The following GPR137B variants were observed in gnomAD, a reference collection of about 807,000 sequenced individuals.
The protein encoded by GPR137B is integral membrane protein GPR137B.
Under a neutral mutation model 42.5 loss-of-function variants are expected in GPR137B, and 42 were observed. The observed-to-expected ratio is 0.99, with a 90% CI of 0.77 to 1.28. The LOEUF (loss-of-function observed/expected upper bound fraction) is 1.28, where lower values mean the gene tolerates loss of function less well. Among genes scored for constraint, GPR137B ranks in the 50% most tolerant of loss-of-function variants. The pLI is 0.00. For synonymous variants in GPR137B, 218 were observed against 209.7 expected (o/e 1.04, Z -0.34); for missense variants, 487 against 493.9 (o/e 0.99, Z 0.13).
chr1:236,142,828 G>T lies in GPR137B; in HGVS notation c.206G>T (p.Arg69Leu), dbSNP rs759008318. The T allele has an allele frequency of 1.2e-6, 2 of 1,614,086 alleles. No individual in the cohort carries two copies. Among genetic ancestry groups the T allele is most frequent in the Non-Finnish European group, 8.5e-7 (1 of 1,179,966 alleles). Residue 69 changes from arginine to leucine, a missense_variant, in exon 1 of 7, where the codon CGT becomes CTT. Transcript: ENST00000366592. Reference protein sequence around the residue: ...FIYVQLWLVLRYRHKRLSYQS... With the variant: ...FIYVQLWLVLLYRHKRLSYQS... ...TACGTGCAGCTCTGGCTGGTGCTGCGTTACCGCCACAAGCGGCTCAGCTAC... is the reference window on the plus strand; with the variant it reads ...TACGTGCAGCTCTGGCTGGTGCTGCTTTACCGCCACAAGCGGCTCAGCTAC...
intron 3 of GPR137B, among the ~76,000 whole-genome samples, 161 bp downstream of exon 3, chr1:236,178,797 T>TTTTTTG (rs1662776743): frequency 1.2e-5 from 1 of 85,396 alleles, no homozygotes; most frequent in East Asian, 3.6e-4. Context: ...TTTTTTTTTT[T>TTTTTTG]TTTTTTTTTT....
At position 236,208,442 on chromosome 1, in the gene GPR137B, A is replaced by G. The variant is rs1663730422; in HGVS notation, c.*284A>G. The stretch of plus-strand genomic sequence containing the variant: ...TTTGTATAACTTAAATAATAATGCT[A>G]AAGTATACTAGGGTTTTTTTTTCTT... On this transcript the variant is annotated 3_prime_UTR_variant, in exon 7 of 7. Coordinates refer to ENST00000366592, the MANE Select transcript of GPR137B (RefSeq NM_003272.4). 3 of 937,578 alleles carry G rather than the reference A, an allele frequency of 3.2e-6. No individual in the cohort carries two copies. The highest frequency in any genetic ancestry group is 8.9e-5 in the South Asian group (2 of 22,522). The allele number at this position is 937,578 out of a possible 1,614,324, so 58.1% of individuals were successfully genotyped here.
chr1:236,207,336 C>CCAAAGGACAGCT, intron 6 of GPR137B: 1 of 919,582 alleles, frequency 1.1e-6, no homozygotes, highest in East Asian at 1.2e-4. Flanking sequence ...AAAAGCTGTC[C>CCAAAGGACAGCT]TTTGGGTCAC....
rs1663746455 is a variant in GPR137B at position 236,208,891 on chromosome 1, C to T, written c.*733C>T. 1 of 984,362 alleles carries T rather than the reference C, an allele frequency of 1.0e-6. No individual in the cohort carries two copies. 61.0% of individuals were successfully genotyped at this position (984,362 alleles called of 1,614,324 possible). ...GTAGCTGACTTATCCTATTAAACCT[C>T]CTCTGCTATGTTCACAGATTCTGCA... On this transcript the variant is annotated 3_prime_UTR_variant, in exon 7 of 7. Coordinates refer to ENST00000366592, the MANE Select transcript of GPR137B (RefSeq NM_003272.4).
chr1:236,172,481 C>T (rs1283121472), intron 2 of GPR137B, among the ~76,000 whole-genome samples: 1 of 152,174 alleles, frequency 6.6e-6, no homozygotes, highest in Non-Finnish European at 1.5e-5. Context: ...TTAAAATCAC[C>T]TCTACCCTCC....
intron 5 of GPR137B, among the ~76,000 whole-genome samples, chr1:236,195,902 G>A (rs891227939): frequency 1.3e-5 from 2 of 152,054 alleles, no homozygotes; most frequent in African/African-American, 2.4e-5. Context: ...GTTGCCTTTC[G>A]AGAAATGTCT....
At chr1:236,179,541 G>C (rs1180505945) in intron 3 of GPR137B, among the ~76,000 whole-genome samples, 1 of 152,166 alleles carries the variant, frequency 6.6e-6, no homozygotes, top group South Asian at 2.1e-4. Flanking sequence ...TGCTGCGTGT[G>C]GAAGCCAAGA....
At chr1:236,176,862 C>T (rs562852633) in intron 2 of GPR137B, among the ~76,000 whole-genome samples, 80 of 152,106 alleles carry the variant, frequency 5.3e-4, no homozygotes, top group African/African-American at 1.7e-3. Context: ...TCTAGGGAGA[C>T]GCAGGCATTG....
At chr1:236,159,949 G>C (rs1399507425) in intron 1 of GPR137B, among the ~76,000 whole-genome samples, 1 of 152,240 alleles carries the variant, frequency 6.6e-6, no homozygotes, top group African/African-American at 2.4e-5. Flanking sequence ...ACAGCGGCCA[G>C]CTGGGGACAT....
At chr1:236,143,338 C>T (rs2102885752) in intron 1 of GPR137B, among the ~76,000 whole-genome samples, 1 of 152,372 alleles carries the variant, frequency 6.6e-6, no homozygotes, top group African/African-American at 2.4e-5. Flanking sequence ...CCGTGCGCAG[C>T]GCGAAGCAGC....
chr1:236,178,693 C>T, intron 3 of GPR137B, 57 bp downstream of exon 3: 1 of 1,142,374 alleles, frequency 8.8e-7, no homozygotes, highest in Non-Finnish European at 1.3e-6. Context: ...AAAGAGTTTC[C>T]TGGTTTGCAA....
chr1:236,157,142 G>A (rs1662054585), intron 1 of GPR137B, among the ~76,000 whole-genome samples: 1 of 152,108 alleles, frequency 6.6e-6, no homozygotes, highest in African/African-American at 2.4e-5. Flanking sequence ...GCACAGAGCA[G>A]GCAGGTGACT....
At chr1:236,188,532 G>A (rs969227152) in intron 5 of GPR137B, among the ~76,000 whole-genome samples, 3 of 152,220 alleles carry the variant, frequency 2.0e-5, no homozygotes, top group Non-Finnish European at 2.9e-5. Flanking sequence ...CCATGAACGG[G>A]TGTTGAATTT....
Position 236,142,891 on chromosome 1 carries a change from C to T in GPR137B, c.269C>T (p.Ser90Phe), listed in dbSNP as rs773945482. 1.2e-6 allele frequency: 2 copies of T among 1,614,246 alleles called. No homozygotes were observed. The highest frequency in any genetic ancestry group is 1.1e-5 in the South Asian group (1 of 91,092). ...CTCTTTCTCTGCCTCTTCTGGGCCT[C>T]CCTGCGGACCGTCCTCTTCTCCTTC... ...VFLFLCLFWA[S>F]LRTVLFSFYF... Residue 90 changes from serine (S) to phenylalanine (F), a missense_variant, in exon 1 of 7, where the codon TCC becomes TTC. Coordinates refer to ENST00000366592, the MANE Select transcript of GPR137B (RefSeq NM_003272.4).
intron 2 of GPR137B, among the ~76,000 whole-genome samples, chr1:236,173,871 G>GA (rs936230762): frequency 1.2e-4 from 18 of 151,958 alleles, no homozygotes; most frequent in Non-Finnish European, 2.5e-4. Flanking sequence ...GGCATAGAGG[G>GA]AAAAAAACTT....
intron 1 of GPR137B, among the ~76,000 whole-genome samples, chr1:236,167,087 G>A (rs1662380945): frequency 6.6e-6 from 1 of 152,162 alleles, no homozygotes; most frequent in Admixed American, 6.5e-5. Flanking sequence ...CTTGCAAGTG[G>A]GGAATGTGAG....
chr1:236,147,054 C>T (rs1661700622), intron 1 of GPR137B, among the ~76,000 whole-genome samples: 1 of 152,210 alleles, frequency 6.6e-6, no homozygotes, highest in Non-Finnish European at 1.5e-5. Context: ...GGTGATCTGC[C>T]TACCTCGGCT....
Position 236,150,875 on chromosome 1 carries a change from T to G in GPR137B, c.414+7839T>G, listed in dbSNP as rs1482557994. Reference sequence around the variant, plus strand: ...AGCCATGGCTGTCCCGCTGCTGCTGTGCCCACCCTCTGAGCCCCAGGCTAG... The same window carrying G: ...AGCCATGGCTGTCCCGCTGCTGCTGGGCCCACCCTCTGAGCCCCAGGCTAG... On this transcript the variant is annotated intron_variant, in intron 1 of 6. Coordinates refer to ENST00000366592, the MANE Select transcript of GPR137B (RefSeq NM_003272.4). The surrounding 1 kb of genome is among the most constrained non-coding windows in gnomAD (Gnocchi z 6.2). 6.6e-6 allele frequency among the ~76,000 whole-genome samples: 1 copy of G among 152,180 alleles called. No individual in the cohort carries two copies. Among genetic ancestry groups the G allele is most frequent in the Non-Finnish European group, 1.5e-5 (1 of 68,020 alleles).
In GPR137B at chr1:236,158,032, A is replaced by T. The variant is rs559008134; in HGVS notation, c.415-10674A>T. On this transcript the variant is annotated intron_variant, in intron 1 of 6. Coordinates refer to ENST00000366592, the MANE Select transcript of GPR137B (RefSeq NM_003272.4). ...ACCTAGTGAAAGCCTGCCTAGCCAT[A>T]AAAACACCAAATTCAGGATAGTGAT... 5.9e-5 allele frequency among the ~76,000 whole-genome samples: 9 copies of T among 152,196 alleles called. 1 individual carries two copies. Among genetic ancestry groups the T allele is most frequent in the Admixed American group, 4.6e-4 (7 of 15,288 alleles).
Sources: gnomAD v4.1 joint callset for allele counts (sites outside exome capture counted in the v4.1 genomes callset) on GRCh38, gnomAD v4.1.1 for gene constraint, Gnocchi (gnomAD v3.1) non-coding constraint, MANE v1.5 for transcripts, NCBI Gene and HGNC (gene_info 2026-07-23, HGNC 2026-07-21) for gene names.